The following ABCA10 variants were observed in gnomAD, a reference collection of about 807,000 sequenced individuals.
ABCA10 encodes the protein ATP-binding cassette sub-family A member 10.
In ABCA10, 169 loss-of-function variants were observed where a neutral mutation model predicts 187.5. The observed-to-expected ratio is 0.90, with a 90% CI of 0.80 to 1.02. ABCA10 has a LOEUF of 1.02. Among genes scored for constraint, ABCA10 ranks in the 50% least tolerant of loss-of-function variants. The pLI is 0.00. For missense variants in ABCA10, 1,727 were observed against 1,812.4 expected (o/e 0.95, Z 0.86); for synonymous variants, 574 against 601.8 (o/e 0.95, Z 0.68).
intron 9 of ABCA10, among the ~76,000 whole-genome samples, chr17:69,207,976 G>T (rs941133163): frequency 1.3e-5 from 2 of 152,204 alleles, no homozygotes; most frequent in African/African-American, 2.4e-5. Flanking sequence ...TAATTAGCTA[G>T]ATTTGACTAA....
intron 36 of ABCA10, among the ~76,000 whole-genome samples, chr17:69,150,789 G>A (rs2074121550): frequency 6.6e-6 from 1 of 152,088 alleles, no homozygotes; most frequent in Non-Finnish European, 1.5e-5. Context: ...CAGTAGCTAC[G>A]TATGTGTAGT....
intron 19 of ABCA10, 68 bp from the exon 20 acceptor site, chr17:69,185,711 G>T: frequency 7.6e-7 from 1 of 1,307,266 alleles, no homozygotes; most frequent in Non-Finnish European, 1.1e-6. Flanking sequence ...TCACAAAGAT[G>T]CTATATAAGT....
chr17:69,235,695 G>C (rs1052070756), intron 1 of ABCA10, among the ~76,000 whole-genome samples: 1 of 151,474 alleles, frequency 6.6e-6, no homozygotes, highest in Non-Finnish European at 1.5e-5. Context: ...ATTTCTACTA[G>C]GCACCCACCC....
In ABCA10 at chr17:69,227,154, CT is replaced by C. The variant is rs1433271365; in HGVS notation, c.-182del. 1 of 138,864 alleles carries C rather than the reference CT, an allele frequency of 7.2e-6. No homozygotes were observed. Among genetic ancestry groups the C allele is most frequent in the Non-Finnish European group, 1.6e-5 (1 of 62,948 alleles). The allele number at this position is 138,864 out of a possible 1,614,324, so 8.6% of individuals were successfully genotyped here. A position where few individuals can be genotyped will look rare whatever the true frequency, so the allele number is the denominator to read the frequency against. On this transcript the variant is annotated 5_prime_UTR_variant, in exon 2 of 39. It removes the in-frame stop codon of an upstream open reading frame in the 5' UTR. Coordinates refer to ENST00000690296, the MANE Select transcript of ABCA10 (RefSeq NM_001377321.1). ...ATATAGTGAATCATACCAATAAACTCTCTTTTTATTCTCCATTTTTTAAGAA... is the reference window on the plus strand; with the variant it reads ...ATATAGTGAATCATACCAATAAACTCCTTTTTATTCTCCATTTTTTAAGAA...
In ABCA10 at chr17:69,193,598, T is replaced by G. The variant is rs758046223; in HGVS notation, c.1536A>C (p.Ile512=). 1.6e-5 allele frequency: 26 copies of G among 1,606,824 alleles called. No homozygotes were observed. Among genetic ancestry groups the G allele is most frequent in the Non-Finnish European group, 2.0e-5 (23 of 1,175,730 alleles). ...KEVEQEVKRI[I]MELDMQSIQD... The stretch of plus-strand genomic sequence containing the variant: ...GAATGCTTTGCATGTCTAATTCCAT[T>G]ATAATTCTTTTTACCTATCAAAGAA... The change falls in exon 14 of 39, where the codon ATA becomes ATC. Residue 512 remains isoleucine (I), a synonymous_variant. Transcript: ENST00000690296.
At chr17:69,162,844 T>TATAC (rs1568051561) in intron 27 of ABCA10, among the ~76,000 whole-genome samples, 11 of 20,560 alleles carry the variant, frequency 5.4e-4, no homozygotes, top group African/African-American at 3.1e-3. Flanking sequence ...TATACATATA[T>TATAC]ATATATATAT....
rs1165234120 is a variant in ABCA10 at position 69,221,861 on chromosome 17, A to G, written c.234T>C (p.Cys78=). ...CTTTTAGCCAGTACTTTGCCAAGTA[A>G]CAAAAAATTTCACCATGCATGGCCC... ...HCWAMHGEIF[C]YLAKYWLKGF... The change falls in exon 5 of 39, where the codon TGT becomes TGC. Residue 78 remains cysteine (C), a synonymous_variant. Transcript: ENST00000690296. The G allele has an allele frequency of 6.2e-7, 1 of 1,613,162 alleles. No individual in the cohort carries two copies. Among genetic ancestry groups the G allele is most frequent in the South Asian group, 1.1e-5 (1 of 90,796 alleles).
Position 69,222,537 on chromosome 17 carries a change from G to A in ABCA10, c.195C>T (p.Tyr65=). 1.3e-6 allele frequency: 2 copies of A among 1,557,180 alleles called. No homozygotes were observed. Among genetic ancestry groups the A allele is most frequent in the Non-Finnish European group, 8.6e-7 (1 of 1,162,610 alleles). Residue 65 remains tyrosine (Y), a synonymous_variant, in exon 4 of 39, where the codon TAC becomes TAT. Coordinates refer to ENST00000690296, the MANE Select transcript of ABCA10 (RefSeq NM_001377321.1). ...AATCAGTTTTTTTATAGTTACCTGTGTATTCAGAGTGCTCCTTTATAACTG... is the reference window on the plus strand; with the variant it reads ...AATCAGTTTTTTTATAGTTACCTGTATATTCAGAGTGCTCCTTTATAACTG... ...RIPVIKEHSE[Y]TEHCWAMHGE... is the part of the protein sequence containing the mutation.
intron 5 of ABCA10, among the ~76,000 whole-genome samples, chr17:69,221,198 A>C (rs2074745052): frequency 6.6e-6 from 1 of 152,194 alleles, no homozygotes; most frequent in African/African-American, 2.4e-5. Context: ...TATTTAGTTG[A>C]AATATCAAGT....
At chr17:69,179,560 A>G (rs780150694) in intron 22 of ABCA10, among the ~76,000 whole-genome samples, 52 of 152,290 alleles carry the variant, frequency 3.4e-4, no homozygotes, top group Non-Finnish European at 5.4e-4. Flanking sequence ...TACTCCACCT[A>G]AGGATTAACA....
intron 9 of ABCA10, 116 bp downstream of exon 9, chr17:69,214,588 A>AT (rs1327198654): frequency 2.1e-6 from 2 of 930,688 alleles, no homozygotes; most frequent in Non-Finnish European, 3.0e-6. Flanking sequence ...TTGTTTTGAA[A>AT]TTTTTTCTTC....
intron 9 of ABCA10, among the ~76,000 whole-genome samples, chr17:69,207,692 G>C (rs752366869): frequency 1.3e-5 from 2 of 152,128 alleles, no homozygotes; most frequent in African/African-American, 2.4e-5. Context: ...TTTATATGTA[G>C]AATCTAAAAA....
intron 9 of ABCA10, among the ~76,000 whole-genome samples, chr17:69,204,955 C>T (rs984545946): frequency 6.6e-6 from 1 of 151,990 alleles, no homozygotes; most frequent in Non-Finnish European, 1.5e-5. Flanking sequence ...ATGGCAAAAC[C>T]CCGTATCTAC....
rs377015870 is a variant in ABCA10 at position 69,219,604 on chromosome 17, C to T, written c.471G>A (p.Arg157=). Residue 157 remains arginine (R), a synonymous_variant, in exon 6 of 39, where the codon AGG becomes AGA. Transcript: ENST00000690296. ...FIYFASLNVA[R]ERGKFKKLMT... ...TCAGTTTCTTAAATTTTCCTCTTTC[C>T]CTTGCAACATTTAATGATGCAAAGT... 8 of 1,609,460 alleles carry T rather than the reference C, an allele frequency of 5.0e-6. No individual in the cohort carries two copies. In the African/African-American group the frequency reaches 8.0e-5, roughly 16 times the overall value.
Position 69,185,637 on chromosome 17 carries a change from T to C in ABCA10, c.2337A>G (p.Leu779=). The C allele has an allele frequency of 6.3e-7, 1 of 1,594,362 alleles. No homozygotes were observed. The highest frequency in any genetic ancestry group is 8.6e-7 in the Non-Finnish European group (1 of 1,168,866). Residue 779 remains leucine (L), a synonymous_variant, in exon 20 of 39, where the codon CTA becomes CTG. Transcript: ENST00000690296. ...TGGGGATAAAAGCAATTCCAAGTAC[T>C]AGTAACCTAAGTAAAACAAAATTAT... ...RERRALLCLL[L]VLGIAFIPII... is the part of the protein sequence containing the mutation.
At chr17:69,179,200 CA>C (rs906762291) in intron 22 of ABCA10, among the ~76,000 whole-genome samples, 31 of 82,460 alleles carry the variant, frequency 3.8e-4, no homozygotes, top group African/African-American at 1.0e-3. Flanking sequence ...AACAAAAAAA[CA>C]AAACAAACAA....
At chr17:69,181,333 CT>C (rs778648911) in intron 22 of ABCA10, among the ~76,000 whole-genome samples, 2 of 152,050 alleles carry the variant, frequency 1.3e-5, no homozygotes, top group Non-Finnish European at 2.9e-5. Context: ...CATTGAGTAC[CT>C]AGTAAGTTGT....
chr17:69,218,774 C>T (rs1326062418), intron 6 of ABCA10, among the ~76,000 whole-genome samples: 4 of 152,158 alleles, frequency 2.6e-5, no homozygotes, highest in African/African-American at 9.7e-5. Context: ...TCATTTAATC[C>T]TGATACCGTT....
chr17:69,148,762 T>C lies in ABCA10; in HGVS notation c.*65A>G, dbSNP rs988771561. On this transcript the variant is annotated 3_prime_UTR_variant, in exon 39 of 39. Coordinates refer to ENST00000690296, the MANE Select transcript of ABCA10 (RefSeq NM_001377321.1). ...TTAACTGAAGTAAAAGGAAACATTC[T>C]TGTAGAATTATGGAAACTAACAATG... 6 of 1,289,012 alleles carry C rather than the reference T, an allele frequency of 4.7e-6. No homozygotes were observed. Among genetic ancestry groups the C allele is most frequent in the Middle Eastern group, 2.7e-4 (1 of 3,692 alleles). The allele number at this position is 1,289,012 out of a possible 1,614,324, so 79.8% of individuals were successfully genotyped here.
Sources: allele counts gnomAD v4.1 joint callset (sites outside exome capture counted in the v4.1 genomes callset), GRCh38; gene constraint gnomAD v4.1.1; transcripts MANE v1.5; gene names NCBI Gene and HGNC (gene_info 2026-07-23, HGNC 2026-07-21).